Variants in OR51B5 observed in about 807,000 individuals in gnomAD.
The protein encoded by OR51B5 is olfactory receptor 51B5.
For synonymous variants in OR51B5, 186 were observed against 144.8 expected (o/e 1.28, Z -2.04); for missense variants, 456 against 374.6 (o/e 1.22, Z -1.79).
chr11:5,356,494 A>C (rs12793238), intron 1 of OR51B5, among the ~76,000 whole-genome samples: 23 of 139,448 alleles, frequency 1.6e-4, no homozygotes, highest in Non-Finnish European at 3.3e-4. Flanking sequence ...CCAAATCTAT[A>C]TCTGATTGGT....
At chr11:5,499,229 G>A (rs1387080143) in intron 1 of OR51B5, among the ~76,000 whole-genome samples, 1 of 142,338 alleles carries the variant, frequency 7.0e-6, no homozygotes, top group Non-Finnish European at 1.6e-5. Flanking sequence ...AGATATGATA[G>A]TACAGCCATT....
intron 1 of OR51B5, among the ~76,000 whole-genome samples, chr11:5,425,994 T>C (rs1267809874): frequency 6.6e-6 from 1 of 152,130 alleles, no homozygotes; most frequent in African/African-American, 2.4e-5. Context: ...GATGATCAAA[T>C]TGCAATACAT....
At chr11:5,423,782 CAT>C (rs1850397717) in intron 1 of OR51B5, among the ~76,000 whole-genome samples, 1 of 152,182 alleles carries the variant, frequency 6.6e-6, no homozygotes, top group African/African-American at 2.4e-5. Context: ...GCAAAATAAA[CAT>C]ATGCAAGAAG....
intron 1 of OR51B5, among the ~76,000 whole-genome samples, chr11:5,476,201 C>T (rs1339711525): frequency 6.6e-6 from 1 of 152,176 alleles, no homozygotes; most frequent in Non-Finnish European, 1.5e-5. Flanking sequence ...CCAGTAATAA[C>T]ATTCATGTAT....
intron 1 of OR51B5, among the ~76,000 whole-genome samples, chr11:5,479,364 C>G (rs1225802936): frequency 6.6e-6 from 1 of 151,388 alleles, no homozygotes; most frequent in Non-Finnish European, 1.5e-5. Flanking sequence ...GAAGGAAGCA[C>G]TAAACATGGA....
At chr11:5,402,592 T>A (rs1364019226) in intron 1 of OR51B5, 1 of 467,718 alleles carries the variant, frequency 2.1e-6, no homozygotes. Context: ...GGATGATATG[T>A]CAACATGAAA....
chr11:5,348,656 CATCTTCTTTT>C (rs1440064516), intron 1 of OR51B5, among the ~76,000 whole-genome samples: 1 of 152,126 alleles, frequency 6.6e-6, no homozygotes, highest in East Asian at 1.9e-4. Flanking sequence ...ACTACTCTTC[CATCTTCTTTT>C]GCCTGCTTTC....
chr11:5,380,080 G>T (rs1849587592), intron 1 of OR51B5, among the ~76,000 whole-genome samples: 1 of 152,156 alleles, frequency 6.6e-6, no homozygotes, highest in Non-Finnish European at 1.5e-5. Flanking sequence ...CCAACTTGGA[G>T]TGGGGAGAAG....
chr11:5,363,324 C>A (rs1849315156), intron 1 of OR51B5, among the ~76,000 whole-genome samples: 1 of 143,436 alleles, frequency 7.0e-6, no homozygotes, highest in African/African-American at 2.6e-5. Flanking sequence ...AGTCATGATG[C>A]AGCAGTATTG....
intron 1 of OR51B5, among the ~76,000 whole-genome samples, chr11:5,377,890 G>C (rs934583643): frequency 6.6e-6 from 1 of 152,108 alleles, no homozygotes; most frequent in Non-Finnish European, 1.5e-5. Context: ...TAATGCCCAA[G>C]GTAATTTATA....
At chr11:5,463,158 A>T (rs1357122104) in intron 1 of OR51B5, among the ~76,000 whole-genome samples, 2 of 152,244 alleles carry the variant, frequency 1.3e-5, no homozygotes, top group African/African-American at 4.8e-5. Context: ...TATGAAATAG[A>T]ATAAATTATC....
rs1450859131 is a variant in OR51B5, at chr11:5,422,142, C to G, written n.85-75232G>C. ...TAAATGGGGCAAAGAGATATTATTT[C>G]TAATGTTTCTTTTTCTCCCTGAGTG... On this transcript the variant is annotated intron_variant and non_coding_transcript_variant, in intron 1 of 4. Transcript: ENST00000415970. The G allele has an allele frequency of 1.3e-5, 16 of 1,276,698 alleles. No individual in the cohort carries two copies. In the East Asian group the frequency reaches 3.0e-4, roughly 24 times the overall value. The allele number at this position is 1,276,698 out of a possible 1,614,324, so 79.1% of individuals were successfully genotyped here. A position where few individuals can be genotyped will look rare whatever the true frequency, so the allele number is the denominator to read the frequency against.
At chr11:5,391,660 G>C (rs891526647) in intron 1 of OR51B5, 10 of 152,170 alleles carry the variant, frequency 6.6e-5, no homozygotes, top group African/African-American at 1.9e-4. Flanking sequence ...CCATCAAGGT[G>C]GTATATCTTC....
chr11:5,365,491 C>T (rs1372382726), intron 1 of OR51B5, among the ~76,000 whole-genome samples: 3 of 141,312 alleles, frequency 2.1e-5, no homozygotes, highest in Admixed American at 2.1e-4. Flanking sequence ...CAGTCAGCAA[C>T]CATTTTCCTG....
chr11:5,381,863 T>C (rs866715680), intron 1 of OR51B5, among the ~76,000 whole-genome samples: 5 of 152,356 alleles, frequency 3.3e-5, no homozygotes, highest in Middle Eastern at 3.4e-3. Flanking sequence ...AAAGCTATTA[T>C]ACAGATGTTA....
At chr11:5,346,604 A>G (rs1848995089), upstream of OR51B5, among the ~76,000 whole-genome samples, 2 of 150,960 alleles carry the variant, frequency 1.3e-5, no homozygotes, top group South Asian at 2.1e-4. Flanking sequence ...AGGGTCAATC[A>G]TATTCACATC....
Position 5,476,229 on chromosome 11 carries a change from T to A in OR51B5, n.84+29340A>T, listed in dbSNP as rs1851302747. ...TCATGTATACTTATTGAGAGCTTTA[T>A]GTGTTGACTAATTCTATAAACTCGT... On this transcript the variant is annotated intron_variant and non_coding_transcript_variant, in intron 1 of 4. Coordinates refer to the OR51B5 transcript ENST00000415970. Among the ~76,000 whole-genome samples the A allele has an allele frequency of 2.6e-5, 4 of 152,356 alleles. No individual in the cohort carries two copies. The South Asian group carries it at 8.3e-4, about 32-fold the overall frequency.
At chr11:5,502,359 T>C (rs181330203) in intron 1 of OR51B5, among the ~76,000 whole-genome samples, 1 of 152,300 alleles carries the variant, frequency 6.6e-6, no homozygotes, top group Admixed American at 6.5e-5. Flanking sequence ...TTTCCATGAA[T>C]GTATCGAGCT....
chr11:5,340,321 G>C (rs144937769), downstream of OR51B5: 86 of 152,166 alleles, frequency 5.7e-4, no homozygotes, highest in African/African-American at 2.0e-3. Context: ...CATGGAATCA[G>C]AGATTTGAAG....
Sources: allele counts gnomAD v4.1 joint callset (sites outside exome capture counted in the v4.1 genomes callset), GRCh38; gene constraint gnomAD v4.1.1; transcripts MANE v1.5; gene names NCBI Gene and HGNC (gene_info 2026-07-23, HGNC 2026-07-21).